Variants in CECR2 observed in about 807,000 individuals in gnomAD.
CECR2 encodes CECR2 histone acetyl-lysine reader.
CECR2 carries 30 observed loss-of-function variants against 154.5 expected under a neutral mutation model. The ratio of observed to expected loss-of-function variants is 0.19; its 90% CI spans 0.15 to 0.26. CECR2 has a LOEUF of 0.26. Among genes scored for constraint, CECR2 ranks in the 10% least tolerant of loss-of-function variants. The pLI, the probability that CECR2 is intolerant of heterozygous loss-of-function variation, is 1.00. For synonymous variants in CECR2, 725 were observed against 683.7 expected (o/e 1.06, Z -0.94); for missense variants, 1,743 against 1,829.3 (o/e 0.95, Z 0.86).
chr22:17,420,157 T>G (rs1304448332), intron 1 of CECR2, among the ~76,000 whole-genome samples: 1 of 152,344 alleles, frequency 6.6e-6, no homozygotes, highest in East Asian at 1.9e-4. Context: ...AATGGAACCC[T>G]TGCTATATTA....
At chr22:17,427,020 C>T (rs1041482095) in intron 1 of CECR2, among the ~76,000 whole-genome samples, 1 of 152,038 alleles carries the variant, frequency 6.6e-6, no homozygotes, top group East Asian at 1.9e-4. Flanking sequence ...AGCCCCCCAC[C>T]CCACGACAGG....
In CECR2 at chr22:17,360,214, C is replaced by T. The variant is rs12159574; in HGVS notation, c.-364+191C>T. Among the ~76,000 whole-genome samples, 1,253 of 152,340 alleles carry T rather than the reference C, an allele frequency of 8.2e-3. 21 individuals carry two copies. Among genetic ancestry groups the T allele is most frequent in the African/African-American group, 0.028 (1,180 of 41,574 alleles). The stretch of plus-strand genomic sequence containing the variant: ...AATCTTAAAATGCGGTGATTAGTTA[C>T]GCAGAGCTGGGTGCAGTGGCACGTC... On this transcript the variant is annotated intron_variant, in intron 1 of 18. Coordinates refer to the CECR2 transcript ENST00000400585.
chr22:17,512,364 T>C (rs1035974579), intron 8 of CECR2, among the ~76,000 whole-genome samples: 3 of 152,010 alleles, frequency 2.0e-5, no homozygotes, highest in African/African-American at 7.3e-5. Flanking sequence ...CAGGAAATTA[T>C]ATAAATTTAT....
intron 6 of CECR2, 144 bp downstream of exon 6, chr22:17,503,275 C>T: frequency 3.0e-6 from 2 of 663,646 alleles, no homozygotes; most frequent in East Asian, 2.8e-5. Flanking sequence ...CTTCAGTTCT[C>T]CTCCTCACAC....
chr22:17,475,205 G>A (rs956630609), intron 1 of CECR2, among the ~76,000 whole-genome samples: 3 of 152,140 alleles, frequency 2.0e-5, no homozygotes, highest in South Asian at 2.1e-4. Context: ...GCAGAGGGAC[G>A]GGATTTCCAC....
chr22:17,441,168 C>T (rs1233580553), intron 1 of CECR2, among the ~76,000 whole-genome samples: 1 of 152,126 alleles, frequency 6.6e-6, no homozygotes, highest in Non-Finnish European at 1.5e-5. Context: ...AGGCTGGTCT[C>T]GAACTCCTGA....
chr22:17,473,198 G>GC (rs2055156595), intron 1 of CECR2, among the ~76,000 whole-genome samples: 2 of 152,138 alleles, frequency 1.3e-5, no homozygotes, highest in Admixed American at 1.3e-4. Flanking sequence ...TGGTCTCCCT[G>GC]CCCTATGCTG....
chr22:17,399,252 G>C (rs1424798644), intron 1 of CECR2, among the ~76,000 whole-genome samples: 6 of 152,126 alleles, frequency 3.9e-5, no homozygotes, highest in Admixed American at 6.6e-5. Context: ...GGACCTTGCA[G>C]TCTTTTTCTT....
At position 17,400,951 on chromosome 22, in the gene CECR2, G is replaced by T. The variant is rs143704592; in HGVS notation, c.126+31042G>T. Among the ~76,000 whole-genome samples, 169 of 152,206 alleles carry T rather than the reference G, an allele frequency of 1.1e-3. 1 individual carries two copies. In the Middle Eastern group the frequency reaches 0.017, roughly 15 times the overall value. On this transcript the variant is annotated intron_variant, in intron 1 of 18. Transcript: ENST00000262608. ...CTTTTGTTGTTGTTGTTGTTTGGTA[G>T]AGATGAGATCTCACTATGTTGCTCA...
chr22:17,478,094 A>C (rs1341539083), intron 2 of CECR2, among the ~76,000 whole-genome samples: 2 of 152,330 alleles, frequency 1.3e-5, no homozygotes, highest in East Asian at 3.9e-4. Flanking sequence ...TGTAATAAAA[A>C]AAAAAGAGAG....
chr22:17,428,234 G>T (rs1479367441), intron 1 of CECR2: 2 of 152,138 alleles, frequency 1.3e-5, no homozygotes, highest in South Asian at 4.1e-4. Flanking sequence ...TTGTCAGATG[G>T]TTAGATTGCA....
upstream of CECR2, chr22:17,369,220 G>A (rs2063023423): frequency 6.6e-6 from 1 of 151,926 alleles, no homozygotes; most frequent in East Asian, 2.0e-4. Context: ...CAGTCCCAAA[G>A]TCCTGGAGGG....
chr22:17,535,105 C>T (rs929100859), intron 9 of CECR2, among the ~76,000 whole-genome samples: 58 of 151,874 alleles, frequency 3.8e-4, no homozygotes, highest in Admixed American at 1.9e-3. Flanking sequence ...GAGGCGAGAT[C>T]GCACCACTGC....
intron 1 of CECR2, among the ~76,000 whole-genome samples, chr22:17,414,429 G>T (rs1004735170): frequency 3.3e-4 from 47 of 141,964 alleles, no homozygotes; most frequent in Non-Finnish European, 5.4e-4. Flanking sequence ...AGTTATTTTT[G>T]TAATTTTCTC....
chr22:17,367,618 C>A (rs773707996), upstream of CECR2, among the ~76,000 whole-genome samples: 1 of 152,158 alleles, frequency 6.6e-6, no homozygotes, highest in South Asian at 2.1e-4. Flanking sequence ...AACTCCTGAC[C>A]TAAGGTGAAC....
intron 1 of CECR2, among the ~76,000 whole-genome samples, chr22:17,443,521 G>A (rs2054614054): frequency 6.6e-6 from 1 of 152,076 alleles, no homozygotes; most frequent in African/African-American, 2.4e-5. Context: ...AGTCCCAGGA[G>A]TTTACTCATC....
rs752408314 is a variant in CECR2 at position 17,538,515 on chromosome 22, T to C, written c.1239-5T>C. The stretch of plus-strand genomic sequence containing the variant: ...ACTATTAATTTCTTATTTTGTGATT[T>C]ACAGCTTTGAGTTGGATGATGATTT... On this transcript the variant is annotated splice_region_variant and splice_polypyrimidine_tract_variant and intron_variant, in intron 10 of 18. Coordinates refer to ENST00000262608, the MANE Select transcript of CECR2 (RefSeq NM_001290047.2). The C allele has an allele frequency of 5.6e-6, 9 of 1,613,418 alleles. No individual in the cohort carries two copies. In the African/African-American group the frequency reaches 8.0e-5, roughly 14 times the overall value.
chr22:17,548,057 A>AG (rs765906691), intron 16 of CECR2, 91 bp from the exon 17 acceptor site: 5 of 1,205,246 alleles, frequency 4.1e-6, no homozygotes, highest in Non-Finnish European at 5.7e-6. Flanking sequence ...CCACACATCC[A>AG]CCTTAATCTG....
chr22:17,380,955 T>C (rs2063180867), intron 1 of CECR2, among the ~76,000 whole-genome samples: 1 of 152,186 alleles, frequency 6.6e-6, no homozygotes, highest in African/African-American at 2.4e-5. Flanking sequence ...ATCTACTTCT[T>C]TAGCAAATCC....
Sources: allele counts gnomAD v4.1 joint callset (sites outside exome capture counted in the v4.1 genomes callset), GRCh38; gene constraint gnomAD v4.1.1; transcripts MANE v1.5; gene names NCBI Gene and HGNC (gene_info 2026-07-23, HGNC 2026-07-21).